SLC35D2: variants seen among roughly 807,000 people sequenced by gnomAD.
SLC35D2 encodes the protein solute carrier family 35 member D2, also known as nucleotide sugar transporter SLC35D2.
In SLC35D2, 43 loss-of-function variants were observed where a neutral mutation model predicts 41.8. The observed-to-expected ratio is 1.03, with a 90% CI of 0.81 to 1.33. SLC35D2 has a LOEUF of 1.33. Ranked by LOEUF, SLC35D2 falls within the 40% of genes most tolerant of loss-of-function variation. The probability of loss-of-function intolerance (pLI) is 0.00; values close to 1 mark genes in which losing one functional copy is unlikely to be tolerated. For missense variants in SLC35D2, 380 were observed against 408.4 expected, an observed-to-expected ratio of 0.93 and a Z score of 0.60; for synonymous variants, 150 against 163.9, an observed-to-expected ratio of 0.92 and a Z score of 0.65.
At chr9:96,350,981 A>T (rs1829787422) in intron 6 of SLC35D2, 122 bp downstream of exon 6, 1 of 739,558 alleles carries the variant, frequency 1.4e-6, no homozygotes, top group Admixed American at 2.3e-5. Flanking sequence ...ACTTCAACAG[A>T]TTTGTCTCTT....
chr9:96,369,040 T>C (rs1215995359), intron 1 of SLC35D2, among the ~76,000 whole-genome samples: 3 of 152,086 alleles, frequency 2.0e-5, no homozygotes, highest in East Asian at 1.9e-4. Flanking sequence ...GCTAGGATTA[T>C]AGGCGGGAGC....
intron 3 of SLC35D2, among the ~76,000 whole-genome samples, chr9:96,362,650 A>G (rs1230693906): frequency 6.6e-6 from 1 of 152,218 alleles, no homozygotes; most frequent in Non-Finnish European, 1.5e-5. Context: ...ATAATGGTTT[A>G]CAAGGGTAAT....
At chr9:96,346,244 C>T (rs1206128650) in intron 6 of SLC35D2, among the ~76,000 whole-genome samples, 1 of 152,116 alleles carries the variant, frequency 6.6e-6, no homozygotes, top group Non-Finnish European at 1.5e-5. Flanking sequence ...CTGAAGTTCA[C>T]AGAAAAGAAG....
intron 9 of SLC35D2, among the ~76,000 whole-genome samples, chr9:96,330,177 G>T (rs1403160305): frequency 1.3e-5 from 2 of 152,200 alleles, no homozygotes; most frequent in African/African-American, 4.8e-5. Flanking sequence ...TTTCAAAGAG[G>T]GATGGATTCG....
At chr9:96,343,010 G>A (rs7031988) in intron 8 of SLC35D2, among the ~76,000 whole-genome samples, 28,959 of 152,186 alleles carry the variant, frequency 0.19, 3,040 homozygotes, top group African/African-American at 0.26. Flanking sequence ...GGCTGTGTCC[G>A]GAGTCGAGTC....
intron 1 of SLC35D2, 82 bp from the exon 2 acceptor site, chr9:96,368,387 TAAAC>T (rs200891561): frequency 0.031 from 32,043 of 1,037,080 alleles, 617 homozygotes; most frequent in South Asian, 0.051. Context: ...GACAAGTTAT[TAAAC>T]AATCTGAGAA....
intron 3 of SLC35D2, 61 bp from the exon 4 acceptor site, chr9:96,360,282 C>A: frequency 7.7e-7 from 1 of 1,302,844 alleles, no homozygotes; most frequent in Non-Finnish European, 1.1e-6. Context: ...TTTTCCTTCA[C>A]ATATAAAAAT....
intron 6 of SLC35D2, among the ~76,000 whole-genome samples, chr9:96,348,370 A>G (rs1483105128): frequency 1.3e-5 from 2 of 152,212 alleles, no homozygotes; most frequent in African/African-American, 2.4e-5. Context: ...CCTCTGAGGC[A>G]GGGATTCCAT....
intron 7 of SLC35D2, among the ~76,000 whole-genome samples, chr9:96,344,693 G>C (rs1035636795): frequency 6.8e-6 from 1 of 146,724 alleles, no homozygotes; most frequent in Non-Finnish European, 1.5e-5. Flanking sequence ...CTCATCCTCC[G>C]GGCTTCCTTG....
At chr9:96,356,144 T>C (rs1054954893) in intron 4 of SLC35D2, among the ~76,000 whole-genome samples, 1 of 152,166 alleles carries the variant, frequency 6.6e-6, no homozygotes, top group Non-Finnish European at 1.5e-5. Flanking sequence ...CCCCCTCTCT[T>C]GCCATGGGAT....
chr9:96,360,628 CAAA>C (rs906000581), intron 3 of SLC35D2, among the ~76,000 whole-genome samples: 7 of 15,698 alleles, frequency 4.5e-4, no homozygotes, highest in South Asian at 2.3e-3. Flanking sequence ...GACTTCATCT[CAAA>C]AAAAAAAAAA....
chr9:96,366,009 A>G (rs1830458177), intron 2 of SLC35D2, among the ~76,000 whole-genome samples: 1 of 152,232 alleles, frequency 6.6e-6, no homozygotes, highest in African/African-American at 2.4e-5. Flanking sequence ...TCTTAAAGAA[A>G]TACAATAACA....
At chr9:96,316,139 C>T (rs1828046893), downstream of SLC35D2, among the ~76,000 whole-genome samples, 5 of 152,250 alleles carry the variant, frequency 3.3e-5, no homozygotes, top group South Asian at 1.0e-3. Context: ...TGTATTCTTT[C>T]CCTAGCTGTG....
chr9:96,321,403 G>C (rs538505945), intron 11 of SLC35D2, 62 bp from the exon 12 acceptor site: 1 of 1,184,608 alleles, frequency 8.4e-7, no homozygotes, highest in African/African-American at 1.5e-5. Context: ...TCCAGCAGCA[G>C]TTGCTGGCGT....
intron 9 of SLC35D2, among the ~76,000 whole-genome samples, chr9:96,327,595 G>A (rs1420671410): frequency 2.6e-5 from 4 of 151,954 alleles, no homozygotes; most frequent in African/African-American, 9.7e-5. Flanking sequence ...TAGATAGAAG[G>A]GCTGCACTTC....
chr9:96,369,782 C>T (rs924062617), intron 1 of SLC35D2, among the ~76,000 whole-genome samples: 47 of 152,172 alleles, frequency 3.1e-4, no homozygotes, highest in African/African-American at 1.1e-3. Context: ...CTGGCTCAAC[C>T]CTTCACTGGC....
chr9:96,341,153 G>A (rs1210093127), intron 8 of SLC35D2, among the ~76,000 whole-genome samples: 1 of 152,090 alleles, frequency 6.6e-6, no homozygotes, highest in Non-Finnish European at 1.5e-5. Flanking sequence ...TGGGTGTGGT[G>A]GTGCGCTCCT....
At chr9:96,335,732 C>G (rs1829020208) in intron 9 of SLC35D2, among the ~76,000 whole-genome samples, 1 of 152,122 alleles carries the variant, frequency 6.6e-6, no homozygotes, top group Non-Finnish European at 1.5e-5. Context: ...TATATGGTCT[C>G]TCAACCAGAA....
At chr9:96,360,053 A>G in intron 4 of SLC35D2, 101 bp downstream of exon 4, 1 of 712,310 alleles carries the variant, frequency 1.4e-6, no homozygotes, top group Non-Finnish European at 2.4e-6. Context: ...TCTTCTATAT[A>G]TGGTACAAGC....
Sources: gnomAD v4.1 joint callset for allele counts (sites outside exome capture counted in the v4.1 genomes callset) on GRCh38, gnomAD v4.1.1 for gene constraint, MANE v1.5 for transcripts, NCBI Gene and HGNC (gene_info 2026-07-23, HGNC 2026-07-21) for gene names.